Variants in GBE1 observed in about 807,000 individuals in gnomAD.
GBE1 encodes the protein 1,4-alpha-glucan branching enzyme 1.
In GBE1, 70 loss-of-function variants were observed where a neutral mutation model predicts 88.8. That is an observed-to-expected ratio of 0.79 (90% confidence interval 0.65 to 0.96). The LOEUF is 0.96. GBE1 is among the 40% of genes least tolerant of loss of function. GBE1 has a pLI of 0.00. For missense variants in GBE1, 872 were observed against 871.0 expected (o/e 1.00, Z -0.01); for synonymous variants, 284 against 300.1 (o/e 0.95, Z 0.56).
intron 12 of GBE1, among the ~76,000 whole-genome samples, chr3:81,574,137 A>C (rs1319515893): frequency 6.6e-6 from 1 of 152,188 alleles, no homozygotes; most frequent in Non-Finnish European, 1.5e-5. Context: ...TTTTTAACAA[A>C]TCACTACATT....
chr3:81,511,361 G>T (rs573790356), intron 14 of GBE1, among the ~76,000 whole-genome samples: 1 of 151,984 alleles, frequency 6.6e-6, no homozygotes, highest in Non-Finnish European at 1.5e-5. Flanking sequence ...AACAGCAAAA[G>T]AAACAATCAA....
intron 14 of GBE1, 38 bp downstream of exon 14, chr3:81,535,155 GAA>G: frequency 6.7e-7 from 1 of 1,494,110 alleles, no homozygotes; most frequent in Non-Finnish European, 9.0e-7. Flanking sequence ...ATAAAGAAGT[GAA>G]TGTGGACAGT....
At chr3:81,745,187 G>A (rs946988163) in intron 1 of GBE1, among the ~76,000 whole-genome samples, 1 of 152,130 alleles carries the variant, frequency 6.6e-6, no homozygotes, top group Non-Finnish European at 1.5e-5. Flanking sequence ...TAGTACAGAT[G>A]TAAGAAAAAG....
chr3:81,555,303 G>A (rs1407983851), intron 12 of GBE1, among the ~76,000 whole-genome samples: 2 of 152,180 alleles, frequency 1.3e-5, no homozygotes, highest in South Asian at 4.2e-4. Context: ...AGATAATGGC[G>A]CTTAAACACA....
intron 12 of GBE1, among the ~76,000 whole-genome samples, chr3:81,553,115 TGAAA>T (rs1482607300): frequency 6.6e-6 from 1 of 152,218 alleles, no homozygotes; most frequent in African/African-American, 2.4e-5. Flanking sequence ...GGGAAGGTAA[TGAAA>T]GAGCTATAAA....
chr3:81,560,465 T>A (rs1413453394), intron 12 of GBE1, among the ~76,000 whole-genome samples: 1 of 151,904 alleles, frequency 6.6e-6, no homozygotes, highest in African/African-American at 2.4e-5. Flanking sequence ...CAAAATAAAT[T>A]TATCAATTTG....
chr3:81,694,302 T>A (rs992759259), intron 2 of GBE1, among the ~76,000 whole-genome samples: 4 of 152,130 alleles, frequency 2.6e-5, no homozygotes, highest in African/African-American at 9.7e-5. Context: ...GAATCAAAAA[T>A]GTTTTCTTCC....
intron 14 of GBE1, among the ~76,000 whole-genome samples, chr3:81,518,127 G>C (rs1055436872): frequency 2.0e-5 from 3 of 151,236 alleles, no homozygotes; most frequent in Admixed American, 6.6e-5. Flanking sequence ...CTATTACTAG[G>C]TGATTATGCA....
intron 1 of GBE1, among the ~76,000 whole-genome samples, chr3:81,747,961 G>A (rs191323783): frequency 4.6e-5 from 7 of 152,220 alleles, no homozygotes; most frequent in Admixed American, 4.6e-4. Context: ...CTGTTTGGTG[G>A]TCTCTTCACA....
At chr3:81,666,723 G>T (rs1705118490) in intron 3 of GBE1, among the ~76,000 whole-genome samples, 2 of 152,098 alleles carry the variant, frequency 1.3e-5, no homozygotes, top group Non-Finnish European at 2.9e-5. Flanking sequence ...TAACTTCACT[G>T]CCACAAACAT....
intron 7 of GBE1, among the ~76,000 whole-genome samples, chr3:81,636,070 C>A (rs953967475): frequency 1.3e-5 from 2 of 152,176 alleles, no homozygotes; most frequent in African/African-American, 4.8e-5. Flanking sequence ...TCTGCATCAA[C>A]AGAAACTTTT....
intron 12 of GBE1, among the ~76,000 whole-genome samples, chr3:81,552,128 T>C (rs758653173): frequency 6.6e-6 from 1 of 152,238 alleles, no homozygotes; most frequent in African/African-American, 2.4e-5. Flanking sequence ...TTGTGTTATC[T>C]ACATGATTAC....
intron 10 of GBE1, 147 bp from the exon 11 acceptor site, chr3:81,581,422 A>T: frequency 1.8e-6 from 1 of 566,838 alleles, no homozygotes; most frequent in South Asian, 2.4e-5. Flanking sequence ...ATCACTGTTT[A>T]AACTTTTACT....
intron 2 of GBE1, among the ~76,000 whole-genome samples, chr3:81,678,075 T>C (rs1330558248): frequency 2.0e-5 from 3 of 152,222 alleles, no homozygotes; most frequent in African/African-American, 2.4e-5. Context: ...TTAGGTAATA[T>C]CATTATGGTG....
chr3:81,717,751 A>T (rs1705959392), intron 1 of GBE1, among the ~76,000 whole-genome samples: 1 of 152,112 alleles, frequency 6.6e-6, no homozygotes, highest in Admixed American at 6.6e-5. Flanking sequence ...AACTTCTTTG[A>T]TTCTTATTTG....
intron 12 of GBE1, among the ~76,000 whole-genome samples, chr3:81,558,610 T>C (rs990485082): frequency 3.9e-5 from 6 of 152,048 alleles, no homozygotes; most frequent in Admixed American, 6.6e-5. Context: ...TATGAAAATA[T>C]TTGTGACTCA....
intron 12 of GBE1, among the ~76,000 whole-genome samples, chr3:81,537,393 T>C (rs1388904206): frequency 6.6e-6 from 1 of 152,020 alleles, no homozygotes; most frequent in Non-Finnish European, 1.5e-5. Context: ...GTCATACTTA[T>C]TTCATTTCTG....
chr3:81,733,850 A>G lies in GBE1; in HGVS notation c.143+27525T>C, dbSNP rs1184834628. On this transcript the variant is annotated intron_variant, in intron 1 of 15. Transcript: ENST00000429644. The surrounding 1 kb of genome is among the most constrained non-coding windows in gnomAD (Gnocchi z 4.0). ...TCTCCTTGTTCACACCTATATTCCA[A>G]TTATCTACAACAGTACCTGGCTCAT... Among the ~76,000 whole-genome samples, 1 of 152,172 alleles carries G rather than the reference A, an allele frequency of 6.6e-6. No individual in the cohort carries two copies. Among genetic ancestry groups the G allele is most frequent in the Non-Finnish European group, 1.5e-5 (1 of 68,034 alleles).
chr3:81,574,485 G>A (rs1025083908), intron 12 of GBE1, among the ~76,000 whole-genome samples: 1 of 152,104 alleles, frequency 6.6e-6, no homozygotes, highest in Non-Finnish European at 1.5e-5. Context: ...AGCCAAAAAG[G>A]GAAAGGCACA....
Sources: allele counts gnomAD v4.1 joint callset (sites outside exome capture counted in the v4.1 genomes callset), GRCh38; gene constraint gnomAD v4.1.1; non-coding constraint Gnocchi (gnomAD v3.1); transcripts MANE v1.5; gene names NCBI Gene and HGNC (gene_info 2026-07-23, HGNC 2026-07-21).